Variants in RUNDC1 observed in about 807,000 individuals in gnomAD.
RUNDC1 encodes RUN domain containing 1.
Under a neutral mutation model 49.3 loss-of-function variants are expected in RUNDC1, and 31 were observed. The observed-to-expected ratio is 0.63, with a 90% CI of 0.47 to 0.85. The LOEUF is 0.85. RUNDC1 is among the 40% of genes least tolerant of loss of function. The pLI, the probability that RUNDC1 is intolerant of heterozygous loss-of-function variation, is 0.00. For synonymous variants in RUNDC1, 347 were observed against 348.6 expected, an observed-to-expected ratio of 1.00 and a Z score of 0.05; for missense variants, 715 against 806.7, an observed-to-expected ratio of 0.89 and a Z score of 1.38.
rs369542823 is a variant in RUNDC1 at position 42,991,698 on chromosome 17, C to T, written c.1824C>T (p.Asn608=). ...PVDLAVRQLK[N]IKDAF is the part of the protein sequence containing the mutation. ...ATCTGGCTGTGCGCCAGCTCAAAAA[C>T]ATCAAAGATGCCTTTTGATGAGAGT... The change falls in exon 5 of 5, where the codon AAC becomes AAT. Residue 608 remains asparagine, a synonymous_variant. Coordinates refer to ENST00000361677, the MANE Select transcript of RUNDC1 (RefSeq NM_173079.5). The T allele has an allele frequency of 1.8e-5, 29 of 1,612,368 alleles. No homozygotes were observed. The highest frequency in any genetic ancestry group is 2.3e-5 in the Non-Finnish European group (27 of 1,179,296).
rs762368564 is a variant in RUNDC1 at position 42,989,451 on chromosome 17, C to A, written c.768C>A (p.Ile256=). 3.1e-6 allele frequency: 5 copies of A among 1,613,930 alleles called. No homozygotes were observed. In the African/African-American group the frequency reaches 5.3e-5, roughly 17 times the overall value. The change falls in exon 3 of 5, where the codon ATC becomes ATA. Residue 256 remains isoleucine (I), a synonymous_variant. Coordinates refer to ENST00000361677, the MANE Select transcript of RUNDC1 (RefSeq NM_173079.5). ...GTGTAGATGCAGCAGTGGCTCAGAT[C>A]GTCAACCCAGCCCGAGTCAAAGAAC... ...RQRVDAAVAQ[I]VNPARVKEQL... is the part of the protein sequence containing the mutation.
At position 42,980,631 on chromosome 17, in the gene RUNDC1, C is replaced by A; in HGVS notation, c.55C>A (p.Pro19Thr). The A allele has an allele frequency of 6.2e-7, 1 of 1,606,808 alleles. No homozygotes were observed. Among genetic ancestry groups the A allele is most frequent in the Non-Finnish European group, 8.5e-7 (1 of 1,178,356 alleles). The change falls in exon 1 of 5, where the codon CCA becomes ACA. Residue 19 changes from proline (P) to threonine (T), a missense_variant. Pro to Thr is a conservative substitution (Grantham distance 38). Transcript: ENST00000361677. ...GGTAACGGTGGTGGCGGCTGTTGGG[C>A]CAAAGGCGAAAGACGAAGAGGAGGA... ...EPVTVVAAVG[P>T]KAKDEEEEEE... is the part of the protein sequence containing the mutation.
rs1238504989 is a variant in RUNDC1 at position 42,989,275 on chromosome 17, A to AT, written c.658-64dup. Reference sequence around the variant, plus strand: ...ATTTAAGGACAGAAGACATTTTTAGATTCTCCTTCCTAACCCTCTCCCTAA... The same window carrying AT: ...ATTTAAGGACAGAAGACATTTTTAGATTTCTCCTTCCTAACCCTCTCCCTAA... On this transcript the variant is annotated intron_variant, in intron 2 of 4. Transcript: ENST00000361677. 2.5e-6 allele frequency: 3 copies of AT among 1,222,032 alleles called. No individual in the cohort carries two copies. The African/African-American group carries it at 4.5e-5, about 18-fold the overall frequency. 75.7% of individuals were successfully genotyped at this position (1,222,032 alleles called of 1,614,324 possible).
Position 42,992,026 on chromosome 17 carries a change from AAC to A in RUNDC1, c.*313_*314del. The A allele has an allele frequency of 3.5e-6, 1 of 285,150 alleles. No individual in the cohort carries two copies. Among genetic ancestry groups the A allele is most frequent in the Non-Finnish European group, 6.8e-6 (1 of 148,128 alleles). 17.7% of individuals were successfully genotyped at this position (285,150 alleles called of 1,614,324 possible). A position where few individuals can be genotyped will look rare whatever the true frequency, so the allele number is the denominator to read the frequency against. On this transcript the variant is annotated 3_prime_UTR_variant, in exon 5 of 5. Coordinates refer to ENST00000361677, the MANE Select transcript of RUNDC1 (RefSeq NM_173079.5). ...TCAGGAGTTCGAGACCATCCTGTCT[AAC>A]ACGGTGAAACCCCATCTCTACTAAA...
rs1384564134 is a variant in RUNDC1, at chr17:42,984,881, C to CTT, written c.499-2373_499-2372dup. 2.2e-5 allele frequency among the ~76,000 whole-genome samples: 3 copies of CTT among 133,674 alleles called. No individual in the cohort carries two copies. The South Asian group carries it at 7.0e-4, about 31-fold the overall frequency. The allele number at this position is 133,674 out of a possible 152,430, so 87.7% of individuals were successfully genotyped here. A position where few individuals can be genotyped will look rare whatever the true frequency, so the allele number is the denominator to read the frequency against. On this transcript the variant is annotated intron_variant, in intron 1 of 4. Transcript: ENST00000361677. ...TTGTCATTCTTTTCTTTTTCTTTTT[C>CTT]TTTCTTTCTTTTTTTTTTTTTTTTT...
intron 1 of RUNDC1, chr17:42,981,446 C>A: frequency 4.5e-6 from 1 of 222,420 alleles, no homozygotes; most frequent in East Asian, 9.2e-5. Context: ...TAGAGGACCC[C>A]GACTCTGGGG....
intron 1 of RUNDC1, chr17:42,985,768 A>ACTT (rs2050163386): frequency 1.3e-6 from 1 of 761,364 alleles, no homozygotes; most frequent in South Asian, 6.0e-5. Context: ...GAGACTCAAG[A>ACTT]AAGACAAGGA....
intron 1 of RUNDC1, among the ~76,000 whole-genome samples, chr17:42,986,572 A>G (rs1252781086): frequency 6.6e-6 from 1 of 151,474 alleles, no homozygotes; most frequent in African/African-American, 2.4e-5. Flanking sequence ...ATCTCTGCTC[A>G]CTGCAAGCTC....
chr17:42,991,729 A>G lies in RUNDC1; in HGVS notation c.*13A>G, dbSNP rs1280971531. ...AGATGCCTTTTGATGAGAGTGCCCT[A>G]ACCCCAGACAAGCTCCTTGTTCAGT... On this transcript the variant is annotated 3_prime_UTR_variant, in exon 5 of 5. Coordinates refer to ENST00000361677, the MANE Select transcript of RUNDC1 (RefSeq NM_173079.5). 1.3e-6 allele frequency: 2 copies of G among 1,598,384 alleles called. No individual in the cohort carries two copies. The highest frequency in any genetic ancestry group is 1.7e-5 in the Admixed American group (1 of 59,044).
At chr17:42,986,664 A>AT (rs538079047) in intron 1 of RUNDC1, among the ~76,000 whole-genome samples, 22 of 148,662 alleles carry the variant, frequency 1.5e-4, no homozygotes, top group East Asian at 3.9e-4. Flanking sequence ...CACCCGGCTA[A>AT]TTTTTTTTTT....
chr17:42,982,988 C>CAA (rs200201495), intron 1 of RUNDC1, among the ~76,000 whole-genome samples: 1 of 126,190 alleles, frequency 7.9e-6, no homozygotes, highest in African/African-American at 2.9e-5. Flanking sequence ...AACTCTGTCT[C>CAA]AAAAAAAAAC....
In RUNDC1 at chr17:42,991,498, G is replaced by T. The variant is rs1168943624; in HGVS notation, c.1624G>T (p.Val542Leu). The T allele has an allele frequency of 6.2e-7, 1 of 1,614,178 alleles. No individual in the cohort carries two copies. Among genetic ancestry groups the T allele is most frequent in the Non-Finnish European group, 8.5e-7 (1 of 1,180,040 alleles). Residue 542 changes from valine (V) to leucine (L), a missense_variant, in exon 5 of 5, where the codon GTG (valine) becomes TTG (leucine). Around this residue, in one of 5 missense-constraint regions of RUNDC1, gnomAD observed 425 missense variants for 499.7 expected, o/e 0.85. Coordinates refer to ENST00000361677, the MANE Select transcript of RUNDC1 (RefSeq NM_173079.5). ...RSADSELKAL[V>L]CMALNEQRLV... ...TGCAGACTCAGAATTGAAGGCCTTG[G>T]TGTGCATGGCACTGAATGAGCAGCG...
rs760923216 is a variant in RUNDC1 at position 42,981,071 on chromosome 17, C to G, written c.495C>G (p.Asp165Glu). 21 of 1,564,242 alleles carry G rather than the reference C, an allele frequency of 1.3e-5. No individual in the cohort carries two copies. The highest frequency in any genetic ancestry group is 1.7e-5 in the Non-Finnish European group (20 of 1,163,126). Residue 165 changes from aspartate (D) to glutamate (E), a missense_variant, in exon 1 of 5, where the codon GAC (aspartate) becomes GAG (glutamate). This residue lies in a region of RUNDC1 where 113 missense variants were observed against 93.4 expected (regional missense o/e 1.21). Coordinates refer to ENST00000361677, the MANE Select transcript of RUNDC1 (RefSeq NM_173079.5). ...ACCGGCCATGGTTGCGGGGCGAGGA[C>G]CAGGTGAGTGGCTGGAGCCGGGCCG... ...PGDRPWLRGE[D>E]QSEQEKQERL...
At chr17:42,981,172 C>T (rs915316728) in intron 1 of RUNDC1, 98 bp downstream of exon 1, 3 of 1,404,276 alleles carry the variant, frequency 2.1e-6, no homozygotes, top group African/African-American at 1.5e-5. Context: ...GGAGAAGCCT[C>T]CCCGACTCGG....
In RUNDC1 at chr17:42,986,071, C is replaced by T. The variant is rs1027123236; in HGVS notation, c.499-1185C>T. Among the ~76,000 whole-genome samples the T allele has an allele frequency of 2.0e-5, 3 of 152,140 alleles. No homozygotes were observed. The East Asian group carries it at 5.8e-4, about 29-fold the overall frequency. Reference sequence around the variant, plus strand: ...CTGGAGTGCAGTGGTGAAAACAAAGCTCAATGCAGCCTCAACCTCCTAGAC... The same window carrying T: ...CTGGAGTGCAGTGGTGAAAACAAAGTTCAATGCAGCCTCAACCTCCTAGAC... On this transcript the variant is annotated intron_variant, in intron 1 of 4. Transcript: ENST00000361677.
intron 4 of RUNDC1, 132 bp downstream of exon 4, chr17:42,990,568 A>C (rs2050225397): frequency 1.0e-6 from 1 of 981,242 alleles, no homozygotes; most frequent in South Asian, 1.7e-5. Flanking sequence ...TTTGGGAAGG[A>C]TGAAATATTC....
chr17:42,991,056 G>T lies in RUNDC1; in HGVS notation c.1182G>T (p.Gln394His). The change falls in exon 5 of 5, where the codon CAG becomes CAT. Residue 394 changes from glutamine to histidine, a missense_variant. Gln to His is a conservative substitution (Grantham distance 24). Coordinates refer to ENST00000361677, the MANE Select transcript of RUNDC1 (RefSeq NM_173079.5). ...RLEVSVDRVKQLALRQQPHDH... is the reference protein window; with the variant it reads ...RLEVSVDRVKHLALRQQPHDH... Reference sequence around the variant, plus strand: ...AGGTGTCAGTGGACAGAGTGAAGCAGCTAGCCTTGAGGCAGCAGCCACATG... The same window carrying T: ...AGGTGTCAGTGGACAGAGTGAAGCATCTAGCCTTGAGGCAGCAGCCACATG... The T allele has an allele frequency of 1.9e-6, 3 of 1,614,152 alleles. No individual in the cohort carries two copies. Among genetic ancestry groups the T allele is most frequent in the Non-Finnish European group, 2.5e-6 (3 of 1,180,022 alleles).
chr17:42,980,581 C>A lies in RUNDC1; in HGVS notation c.5C>A (p.Ala2Glu). 2 of 1,608,872 alleles carry A rather than the reference C, an allele frequency of 1.2e-6. No homozygotes were observed. Among genetic ancestry groups the A allele is most frequent in the Non-Finnish European group, 1.7e-6 (2 of 1,178,798 alleles). MAAVEAAAEPVT... is the reference protein window; with the variant it reads MEAVEAAAEPVT... ...TGCGGTGGTGTTTCCGGGAAGATGG[C>A]GGCTGTCGAAGCGGCTGCAGAGCCG... Residue 2 changes from alanine to glutamate, a missense_variant, in exon 1 of 5, where the codon GCG (alanine) becomes GAG (glutamate). Around this residue, in one of 5 missense-constraint regions of RUNDC1, gnomAD observed 153 missense variants for 139.4 expected, o/e 1.10. Coordinates refer to ENST00000361677, the MANE Select transcript of RUNDC1 (RefSeq NM_173079.5).
intron 2 of RUNDC1, among the ~76,000 whole-genome samples, chr17:42,988,386 G>A (rs1012153214): frequency 1.3e-5 from 2 of 151,728 alleles, no homozygotes; most frequent in Non-Finnish European, 2.9e-5. Context: ...CCGAGTAGTT[G>A]AGATTACAGG....
Sources: gnomAD v4.1 joint callset for allele counts (sites outside exome capture counted in the v4.1 genomes callset) on GRCh38, gnomAD v4.1.1 for gene constraint, gnomAD v4.1.1 regional missense constraint, MANE v1.5 for transcripts, NCBI Gene and HGNC (gene_info 2026-07-23, HGNC 2026-07-21) for gene names.